SETBP1: variants seen among roughly 807,000 people sequenced by gnomAD.
SETBP1 encodes the protein SET binding protein 1, also known as SET-binding protein.
In SETBP1, 9 loss-of-function variants were observed where a neutral mutation model predicts 101.0. The observed-to-expected ratio is 0.09, with a 90% CI of 0.05 to 0.16. SETBP1 has a LOEUF of 0.16. Among genes scored for constraint, SETBP1 ranks in the 10% least tolerant of loss-of-function variants. SETBP1 has a pLI of 1.00. For missense variants in SETBP1, 1,858 were observed against 2,033.8 expected (o/e 0.91, Z 1.66); for synonymous variants, 818 against 788.5 (o/e 1.04, Z -0.63).
rs532553286 is a variant in SETBP1, at chr18:44,781,092, G to A, written c.486+79260G>A. Among the ~76,000 whole-genome samples, 65 of 152,336 alleles carry A rather than the reference G, an allele frequency of 4.3e-4. 1 individual carries two copies. Among genetic ancestry groups the A allele is most frequent in the African/African-American group, 1.5e-3 (62 of 41,576 alleles). Reference sequence around the variant, plus strand: ...GGCAGGCTGCTGGGCTGGCGAGGCAGGTAGGAACAGGGTACAGGGTATGAA... The same window carrying A: ...GGCAGGCTGCTGGGCTGGCGAGGCAAGTAGGAACAGGGTACAGGGTATGAA... On this transcript the variant is annotated intron_variant, in intron 2 of 5. Coordinates refer to ENST00000649279, the MANE Select transcript of SETBP1 (RefSeq NM_015559.3).
At chr18:44,911,916 C>T (rs149669914) in intron 3 of SETBP1, among the ~76,000 whole-genome samples, 19 of 147,592 alleles carry the variant, frequency 1.3e-4, no homozygotes, top group East Asian at 7.9e-4. Flanking sequence ...AAGGTACAAA[C>T]GTGTGTGCTC....
intron 3 of SETBP1, among the ~76,000 whole-genome samples, chr18:44,907,860 T>C (rs1021300557): frequency 3.9e-5 from 6 of 152,198 alleles, no homozygotes; most frequent in Admixed American, 2.0e-4. Flanking sequence ...TAATTTATTA[T>C]TTTTCTTGTT....
chr18:44,884,140 G>T (rs1452673592), intron 3 of SETBP1, among the ~76,000 whole-genome samples: 7 of 152,148 alleles, frequency 4.6e-5, no homozygotes, highest in Non-Finnish European at 8.8e-5. Context: ...GTAGACTAGA[G>T]GATTTTCTGC....
intron 2 of SETBP1, among the ~76,000 whole-genome samples, chr18:44,740,453 T>G (rs1231352901): frequency 6.6e-6 from 1 of 152,206 alleles, no homozygotes; most frequent in Non-Finnish European, 1.5e-5. Context: ...CCTGCCCAAC[T>G]TGCCTCAAGA....
chr18:44,688,330 T>A lies in SETBP1; in HGVS notation c.-173+7309T>A, dbSNP rs907272837. ...AAAGGTTGAGATGGGGAAGCTGAAT[T>A]TGATGGAACCAACTTAGTAGCCCAT... is the stretch of plus-strand genomic sequence containing the variant. On this transcript the variant is annotated intron_variant, in intron 1 of 5. Coordinates refer to ENST00000649279, the MANE Select transcript of SETBP1 (RefSeq NM_015559.3). Among the ~76,000 whole-genome samples the A allele has an allele frequency of 2.0e-5, 3 of 152,288 alleles. No homozygotes were observed. The South Asian group carries it at 6.2e-4, about 32-fold the overall frequency.
At chr18:44,926,745 AAAAC>A (rs144507435) in intron 3 of SETBP1, among the ~76,000 whole-genome samples, 41,427 of 150,622 alleles carry the variant, frequency 0.28, 5,826 homozygotes, top group African/African-American at 0.35. Context: ...AACTGATTTA[AAAAC>A]AAACAAACAA....
intron 2 of SETBP1, among the ~76,000 whole-genome samples, chr18:44,781,586 A>G (rs1039549508): frequency 2.7e-5 from 4 of 150,176 alleles, no homozygotes; most frequent in African/African-American, 9.8e-5. Context: ...TGCCTAACAC[A>G]GTTCCAGGCA....
chr18:44,786,535 T>C (rs1040495972), intron 2 of SETBP1, among the ~76,000 whole-genome samples: 2 of 152,132 alleles, frequency 1.3e-5, no homozygotes, highest in Non-Finnish European at 2.9e-5. Flanking sequence ...AACTTGGAAG[T>C]TGTACTTTTG....
intron 4 of SETBP1, among the ~76,000 whole-genome samples, chr18:45,011,947 G>A (rs2072847858): frequency 6.6e-6 from 1 of 152,154 alleles, no homozygotes; most frequent in African/African-American, 2.4e-5. Flanking sequence ...AAACTCTAGA[G>A]AAGTTTCTTT....
chr18:44,737,147 C>T (rs547196291), intron 2 of SETBP1, among the ~76,000 whole-genome samples: 8 of 152,358 alleles, frequency 5.3e-5, no homozygotes, highest in Admixed American at 2.6e-4. Flanking sequence ...GTTGGAACTC[C>T]TCAGCAGGCC....
At chr18:44,949,579 C>G (rs2071287003) in intron 3 of SETBP1, among the ~76,000 whole-genome samples, 2 of 152,184 alleles carry the variant, frequency 1.3e-5, no homozygotes, top group African/African-American at 2.4e-5. Context: ...TGTGTCCCCT[C>G]CCTCCTGTCT....
chr18:44,909,279 G>A (rs1021774019), intron 3 of SETBP1, among the ~76,000 whole-genome samples: 2 of 152,214 alleles, frequency 1.3e-5, no homozygotes, highest in South Asian at 2.1e-4. Flanking sequence ...GGGCAAGGCC[G>A]AGGAGAAAAT....
intron 3 of SETBP1, among the ~76,000 whole-genome samples, chr18:44,874,628 C>T (rs1404581556): frequency 6.6e-6 from 1 of 152,126 alleles, no homozygotes; most frequent in Admixed American, 6.5e-5. Flanking sequence ...ATGCTGTTAA[C>T]CAAAGTGAGG....
intron 2 of SETBP1, among the ~76,000 whole-genome samples, chr18:44,862,460 T>G (rs1325241151): frequency 6.6e-6 from 1 of 152,196 alleles, no homozygotes; most frequent in East Asian, 1.9e-4. Flanking sequence ...AGTATATAAC[T>G]TGCTTCTTAG....
intron 4 of SETBP1, among the ~76,000 whole-genome samples, chr18:44,955,514 TTCTTA>T (rs1357617753): frequency 1.3e-5 from 2 of 152,248 alleles, no homozygotes; most frequent in African/African-American, 4.8e-5. Flanking sequence ...TGTGCTTCCA[TTCTTA>T]AAGCCATTTC....
At chr18:44,859,373 C>G (rs897424568) in intron 2 of SETBP1, among the ~76,000 whole-genome samples, 12 of 152,120 alleles carry the variant, frequency 7.9e-5, no homozygotes, top group Admixed American at 5.2e-4. Context: ...ACCAATGTCC[C>G]TGGGGACCAG....
intron 4 of SETBP1, among the ~76,000 whole-genome samples, chr18:45,008,657 A>G (rs2072777453): frequency 6.6e-6 from 1 of 152,242 alleles, no homozygotes; most frequent in African/African-American, 2.4e-5. Context: ...CTTCAGAGAA[A>G]TGGAAACAAT....
intron 2 of SETBP1, among the ~76,000 whole-genome samples, chr18:44,865,227 A>G (rs568915422): frequency 6.6e-6 from 1 of 152,338 alleles, no homozygotes; most frequent in South Asian, 2.1e-4. Flanking sequence ...CTGCAAAATA[A>G]GGACTTAGTC....
At chr18:44,948,665 C>T (rs752939220) in intron 3 of SETBP1, among the ~76,000 whole-genome samples, 10 of 152,276 alleles carry the variant, frequency 6.6e-5, no homozygotes, top group Non-Finnish European at 1.5e-4. Flanking sequence ...TGTAAGTTTA[C>T]TACTTTATGT....
Sources: gnomAD v4.1 joint callset for allele counts (sites outside exome capture counted in the v4.1 genomes callset) on GRCh38, gnomAD v4.1.1 for gene constraint, MANE v1.5 for transcripts, NCBI Gene and HGNC (gene_info 2026-07-23, HGNC 2026-07-21) for gene names.